PCGF6: variants seen among roughly 807,000 people sequenced by gnomAD.
PCGF6 encodes the protein polycomb group RING finger protein 6.
PCGF6 carries 24 observed loss-of-function variants against 45.5 expected under a neutral mutation model. The ratio of observed to expected loss-of-function variants is 0.53; its 90% CI spans 0.38 to 0.74. PCGF6 has a LOEUF of 0.74. PCGF6 is among the 30% of genes least tolerant of loss of function. PCGF6 has a pLI of 0.00. For missense variants in PCGF6, 356 were observed against 443.2 expected (o/e 0.80, Z 1.77); for synonymous variants, 152 against 162.1 (o/e 0.94, Z 0.47).
At chr10:103,346,252 G>A (rs1000145571) in intron 5 of PCGF6, among the ~76,000 whole-genome samples, 1 of 151,774 alleles carries the variant, frequency 6.6e-6, no homozygotes, top group African/African-American at 2.4e-5. Context: ...AGCACTTTGG[G>A]AGGCCAAGGT....
At chr10:103,315,740 T>C (rs2093172770) in intron 8 of PCGF6, among the ~76,000 whole-genome samples, 1 of 152,136 alleles carries the variant, frequency 6.6e-6, no homozygotes, top group Non-Finnish European at 1.5e-5. Flanking sequence ...CTCCTAGTCG[T>C]AAGTGATCCT....
chr10:103,323,060 T>C (rs548741146), intron 8 of PCGF6, among the ~76,000 whole-genome samples: 8 of 152,288 alleles, frequency 5.3e-5, no homozygotes, highest in East Asian at 1.9e-4. Flanking sequence ...CAGGCTGTTA[T>C]GGGATCACTC....
rs1163296404 is a variant in PCGF6, at chr10:103,314,464, T to C, written c.910-192A>G. On this transcript the variant is annotated intron_variant, in intron 8 of 9. Coordinates refer to ENST00000369847, the MANE Select transcript of PCGF6 (RefSeq NM_001011663.2). ...TAAATAAGGTAACATGGGAAGAGCA[T>C]TAGAGGATACAGCAGGACAACAGCA... Among the ~76,000 whole-genome samples, 5 of 152,236 alleles carry C rather than the reference T, an allele frequency of 3.3e-5. No individual in the cohort carries two copies. In the East Asian group the frequency reaches 7.7e-4, roughly 23 times the overall value.
intron 9 of PCGF6, among the ~76,000 whole-genome samples, chr10:103,307,582 C>T (rs1241503509): frequency 2.0e-5 from 3 of 152,204 alleles, no homozygotes; most frequent in African/African-American, 7.2e-5. Flanking sequence ...AAGTGATCTT[C>T]TCACCTTAGT....
At chr10:103,318,000 G>A (rs1039588475) in intron 8 of PCGF6, among the ~76,000 whole-genome samples, 2 of 150,158 alleles carry the variant, frequency 1.3e-5, no homozygotes, top group South Asian at 4.4e-4. Flanking sequence ...CAGGCAATCC[G>A]CCCACTTCAG....
chr10:103,305,322 G>A (rs1258845836), intron 9 of PCGF6, among the ~76,000 whole-genome samples: 1 of 151,936 alleles, frequency 6.6e-6, no homozygotes, highest in Non-Finnish European at 1.5e-5. Context: ...CCAGGCTGGA[G>A]TGCAATGGCG....
chr10:103,339,586 C>T (rs1286347819), intron 6 of PCGF6, among the ~76,000 whole-genome samples: 17 of 150,232 alleles, frequency 1.1e-4, no homozygotes, highest in Non-Finnish European at 1.9e-4. Flanking sequence ...GTCAGGAGTT[C>T]GAGACCAGCC....
chr10:103,351,091 C>G lies in PCGF6; in HGVS notation c.-25G>C. 1 of 1,348,604 alleles carries G rather than the reference C, an allele frequency of 7.4e-7. No individual in the cohort carries two copies. The highest frequency in any genetic ancestry group is 2.8e-5 in the East Asian group (1 of 35,824). 83.5% of individuals were successfully genotyped at this position (1,348,604 alleles called of 1,614,324 possible). ...TGGTCGGGAGAGACACCAGGCGAGG[C>G]GAGGCGGCGGGAGAGCGCGGGAGTT... is the stretch of plus-strand genomic sequence containing the variant. On this transcript the variant is annotated 5_prime_UTR_variant, in exon 1 of 10. Transcript: ENST00000369847.
chr10:103,339,805 AAAAAAACACAC>A (rs2093271919), intron 6 of PCGF6, among the ~76,000 whole-genome samples: 10 of 41,152 alleles, frequency 2.4e-4, no homozygotes, highest in African/African-American at 4.7e-4. Context: ...CTGTCTCAAA[AAAAAAACACAC>A]ACACACACAC....
intron 9 of PCGF6, among the ~76,000 whole-genome samples, chr10:103,309,827 C>G (rs2093150398): frequency 6.6e-6 from 1 of 152,090 alleles, no homozygotes; most frequent in Admixed American, 6.6e-5. Flanking sequence ...GTTGTCCCAG[C>G]TACTTGGGAG....
intron 7 of PCGF6, among the ~76,000 whole-genome samples, chr10:103,327,725 A>G (rs2093224229): frequency 6.6e-6 from 1 of 151,090 alleles, no homozygotes; most frequent in African/African-American, 2.4e-5. Flanking sequence ...CCCAGGCTGG[A>G]GTGCAATGGT....
intron 6 of PCGF6, among the ~76,000 whole-genome samples, chr10:103,336,429 T>A (rs2093257632): frequency 6.6e-6 from 1 of 152,054 alleles, no homozygotes; most frequent in African/African-American, 2.4e-5. Context: ...TTAAATTATA[T>A]TATCTTAGAG....
intron 7 of PCGF6, among the ~76,000 whole-genome samples, chr10:103,328,368 T>C (rs1038984972): frequency 6.6e-6 from 1 of 152,142 alleles, no homozygotes; most frequent in Non-Finnish European, 1.5e-5. Context: ...TAGATAGGTA[T>C]TTTATTTTTC....
Position 103,351,061 on chromosome 10 carries a change from C to T in PCGF6, c.6G>A (p.Glu2=). The T allele has an allele frequency of 7.2e-7, 1 of 1,389,494 alleles. No individual in the cohort carries two copies. Among genetic ancestry groups the T allele is most frequent in the Non-Finnish European group, 9.3e-7 (1 of 1,071,946 alleles). 86.1% of individuals were successfully genotyped at this position (1,389,494 alleles called of 1,614,324 possible). A position where few individuals can be genotyped will look rare whatever the true frequency, so the allele number is the denominator to read the frequency against. M[E]GVAVVTAGSV... Reference sequence around the variant, plus strand: ...TGCCCGCCGTCACCACCGCGACCCCCTCCATGGTCGGGAGAGACACCAGGC... The same window carrying T: ...TGCCCGCCGTCACCACCGCGACCCCTTCCATGGTCGGGAGAGACACCAGGC... The change falls in exon 1 of 10, where the codon GAG becomes GAA. Residue 2 remains glutamate, a synonymous_variant. Transcript: ENST00000369847.
intron 7 of PCGF6, among the ~76,000 whole-genome samples, chr10:103,327,841 AT>A (rs11345505): frequency 0.17 from 23,315 of 137,276 alleles, 1,874 homozygotes; most frequent in Non-Finnish European, 0.2. Context: ...CGCCCAACTA[AT>A]TTTTTTTTTT....
At chr10:103,341,343 G>A (rs893487983) in intron 6 of PCGF6, among the ~76,000 whole-genome samples, 24 of 151,514 alleles carry the variant, frequency 1.6e-4, no homozygotes, top group Admixed American at 9.9e-4. Flanking sequence ...CACAACCTCC[G>A]CCTCCCGGGT....
intron 6 of PCGF6, among the ~76,000 whole-genome samples, chr10:103,338,078 A>G (rs2093264461): frequency 2.2e-5 from 1 of 45,012 alleles, no homozygotes; most frequent in Non-Finnish European, 5.0e-5. Context: ...AAAAAAAAAA[A>G]AAAAAATACA....
In PCGF6 at chr10:103,338,380, A is replaced by T. The variant is rs1406571850; in HGVS notation, c.783-4428T>A. On this transcript the variant is annotated intron_variant, in intron 6 of 9. Transcript: ENST00000369847. The stretch of plus-strand genomic sequence containing the variant: ...AACATGGTGAAACCCTGTCTCTACA[A>T]AAAAACAAAAAAAAATTAGCCGGGC... Among the ~76,000 whole-genome samples the T allele has an allele frequency of 4.8e-3, 731 of 151,668 alleles. 2 individuals are homozygous for T. The highest frequency in any genetic ancestry group is 0.015 in the African/African-American group (624 of 41,356).
intron 1 of PCGF6, among the ~76,000 whole-genome samples, chr10:103,350,083 AAAAACAAAAC>A (rs374769152): frequency 9.6e-5 from 14 of 145,212 alleles, no homozygotes; most frequent in East Asian, 8.9e-4. Context: ...ACTCCGTCTC[AAAAACAAAAC>A]AAAACAAAAC....
Sources: allele counts gnomAD v4.1 joint callset (sites outside exome capture counted in the v4.1 genomes callset), GRCh38; gene constraint gnomAD v4.1.1; transcripts MANE v1.5; gene names NCBI Gene and HGNC (gene_info 2026-07-23, HGNC 2026-07-21).